The following ACO2 variants were observed in gnomAD, a reference collection of about 807,000 sequenced individuals.
ACO2 encodes the protein aconitase 2.
In ACO2, 31 loss-of-function variants were observed where a neutral mutation model predicts 84.5. That is an observed-to-expected ratio of 0.37 (90% CI 0.28 to 0.50). The LOEUF is 0.50. ACO2 is among the 20% of genes least tolerant of loss of function. The pLI is 0.97. For synonymous variants in ACO2, 414 were observed against 412.7 expected (o/e 1.00, Z -0.04); for missense variants, 685 against 1,029.3 (o/e 0.67, Z 4.58).
chr22:41,526,241 C>T, intron 14 of ACO2, 21 bp from the exon 15 acceptor site: 1 of 1,606,906 alleles, frequency 6.2e-7, no homozygotes, highest in Non-Finnish European at 8.5e-7. Flanking sequence ...TGACCTCTGT[C>T]CTCTCTACTT....
rs771114695 is a variant in ACO2, at chr22:41,524,863, C to T, written c.1500C>T (p.Ala500=). ...CATTTCAGATTGTCACAGCCCTGGCCATTGCGGGAACCCTCAAGTTCAACC... is the reference window on the plus strand; with the variant it reads ...CATTTCAGATTGTCACAGCCCTGGCTATTGCGGGAACCCTCAAGTTCAACC... ...VTSPEIVTAL[A]IAGTLKFNPE... is the part of the protein sequence containing the mutation. The change falls in exon 13 of 18, where the codon GCC becomes GCT. Residue 500 remains alanine (A), a synonymous_variant. Transcript: ENST00000216254. 8 of 1,614,208 alleles carry T rather than the reference C, an allele frequency of 5.0e-6. No homozygotes were observed. The highest frequency in any genetic ancestry group is 3.3e-5 in the Admixed American group (2 of 60,028).
chr22:41,527,002 C>G, intron 15 of ACO2: 1 of 508,850 alleles, frequency 2.0e-6, no homozygotes, highest in Non-Finnish European at 3.5e-6. Flanking sequence ...CTCACCCAAC[C>G]TCCCTCCACA....
At chr22:41,510,666 G>A (rs1313532488) in intron 3 of ACO2, among the ~76,000 whole-genome samples, 4 of 152,138 alleles carry the variant, frequency 2.6e-5, no homozygotes, top group Admixed American at 1.3e-4. Flanking sequence ...GAATCCCACC[G>A]TTTTGTTACT....
chr22:41,492,626 A>G (rs2066279796), intron 1 of ACO2, among the ~76,000 whole-genome samples: 2 of 152,266 alleles, frequency 1.3e-5, no homozygotes, highest in Admixed American at 1.3e-4. Context: ...ATACAAAATT[A>G]GCTGGGTGTG....
intron 6 of ACO2, 102 bp downstream of exon 6, chr22:41,516,019 T>G (rs757936702): frequency 2.0e-5 from 29 of 1,466,048 alleles, no homozygotes; most frequent in Admixed American, 3.9e-5. Flanking sequence ...TGAGAATCTG[T>G]CTGTTCCATT....
At position 41,515,786 on chromosome 22, in the gene ACO2, C is replaced by G; in HGVS notation, c.704C>G (p.Thr235Arg). Residue 235 changes from threonine (T) to arginine (R), a missense_variant, in exon 6 of 18, where the codon ACG becomes AGG. Physicochemically the swap from Thr to Arg is moderately conservative, Grantham distance 71 (BLOSUM62 -1). Coordinates refer to ENST00000216254, the MANE Select transcript of ACO2 (RefSeq NM_001098.3). The surrounding 1 kb of genome is among the most constrained non-coding windows in gnomAD (Gnocchi z 5.8). ...KCPKVIGVKL[T>R]GSLSGWSSPK... ...GTCCAGGTGATTGGCGTGAAGCTGA[C>G]GGGCTCTCTCTCCGGTTGGTCCTCA... The G allele has an allele frequency of 6.2e-7, 1 of 1,613,792 alleles. No homozygotes were observed. The highest frequency in any genetic ancestry group is 1.1e-5 in the South Asian group (1 of 91,066).
At chr22:41,493,220 T>A (rs1039636951) in intron 1 of ACO2, among the ~76,000 whole-genome samples, 12 of 152,208 alleles carry the variant, frequency 7.9e-5, no homozygotes, top group Non-Finnish European at 1.5e-4. Context: ...GCCCCACCTC[T>A]CAACACTGAC....
chr22:41,475,795 G>A (rs2038006359), intron 1 of ACO2, among the ~76,000 whole-genome samples: 2 of 151,856 alleles, frequency 1.3e-5, no homozygotes, highest in Admixed American at 1.3e-4. Context: ...CTACTCAGGA[G>A]GCTGAGGCAG....
At position 41,528,013 on chromosome 22, in the gene ACO2, C is replaced by A. The variant is rs2066640204; in HGVS notation, c.2199C>A (p.Thr733=). 6.2e-7 allele frequency: 1 copy of A among 1,614,028 alleles called. No homozygotes were observed. Among genetic ancestry groups the A allele is most frequent in the African/African-American group, 1.3e-5 (1 of 74,918 alleles). Residue 733 remains threonine, a synonymous_variant, in exon 17 of 18, where the codon ACC becomes ACA. Transcript: ENST00000216254. The part of the protein sequence containing the change: ...KLTIQGLKDF[T]PGKPLKCIIK... The stretch of plus-strand genomic sequence containing the variant: ...CCATTCAGGGCCTGAAGGACTTCAC[C>A]CCTGGCAAGGTTAGGGGCCCGGGTC...
chr22:41,525,008 C>CCACG (rs1569022480), intron 13 of ACO2, 40 bp downstream of exon 13: 1 of 1,613,938 alleles, frequency 6.2e-7, no homozygotes, highest in East Asian at 2.2e-5. Flanking sequence ...TGCTGTGTGG[C>CCACG]CACGTCACTT....
rs2146135417 is a variant in ACO2, at chr22:41,523,234, T to C, written c.1326T>C (p.Ile442=). ...YAQILRDLGG[I]VLANACGPCI... is the part of the protein sequence containing the mutation. ...AGATCTTGAGGGATCTGGGTGGCATTGTCCTGGCCAATGCTTGTGGCCCCT... is the reference window on the plus strand; with the variant it reads ...AGATCTTGAGGGATCTGGGTGGCATCGTCCTGGCCAATGCTTGTGGCCCCT... Residue 442 remains isoleucine, a synonymous_variant, in exon 11 of 18, where the codon ATT becomes ATC. Coordinates refer to ENST00000216254, the MANE Select transcript of ACO2 (RefSeq NM_001098.3). The C allele has an allele frequency of 6.2e-7, 1 of 1,613,188 alleles. No individual in the cohort carries two copies. Among genetic ancestry groups the C allele is most frequent in the Non-Finnish European group, 8.5e-7 (1 of 1,179,504 alleles).
At chr22:41,516,047 C>G (rs564524060) in intron 6 of ACO2, 130 bp downstream of exon 6, 16 of 1,246,676 alleles carry the variant, frequency 1.3e-5, no homozygotes, top group Middle Eastern at 1.8e-4. Context: ...TTGGGATAGA[C>G]AGAGGTAGAA....
chr22:41,473,517 G>C (rs1006386890), intron 1 of ACO2, among the ~76,000 whole-genome samples: 13 of 152,130 alleles, frequency 8.5e-5, no homozygotes, highest in Non-Finnish European at 4.4e-5. Context: ...GAAAAAGAAA[G>C]AAAAAGCTTA....
Position 41,474,438 on chromosome 22 carries a change from C to T in ACO2, c.36+5256C>T, listed in dbSNP as rs542019300. ...CCTCCCGAGTTGCTGGGACTACAGG[C>T]GCCTGCCACCACGTCTGGCTAATTT... is the stretch of plus-strand genomic sequence containing the variant. On this transcript the variant is annotated intron_variant, in intron 1 of 17. Transcript: ENST00000216254. Among the ~76,000 whole-genome samples the T allele has an allele frequency of 2.5e-4, 38 of 149,576 alleles. 1 individual carries two copies. The South Asian group carries it at 4.0e-3, about 16-fold the overall frequency.
intron 1 of ACO2, among the ~76,000 whole-genome samples, chr22:41,495,149 C>G (rs957894789): frequency 2.0e-5 from 3 of 152,192 alleles, no homozygotes; most frequent in Non-Finnish European, 4.4e-5. Context: ...GCCTCAGCCT[C>G]TTGAGCAGCT....
At chr22:41,522,592 G>A (rs2066535668) in intron 9 of ACO2, among the ~76,000 whole-genome samples, 1 of 152,198 alleles carries the variant, frequency 6.6e-6, no homozygotes, top group Non-Finnish European at 1.5e-5. Context: ...GTCCTAATGT[G>A]TTCAGCATCA....
At chr22:41,469,349 T>G in intron 1 of ACO2, 167 bp downstream of exon 1, 1 of 724,560 alleles carries the variant, frequency 1.4e-6, no homozygotes, top group Non-Finnish European at 2.1e-6. Flanking sequence ...GTGCCCTAGG[T>G]CAAGGCGTCC....
chr22:41,492,578 A>G (rs574833549), intron 1 of ACO2, among the ~76,000 whole-genome samples: 1 of 152,340 alleles, frequency 6.6e-6, no homozygotes, highest in East Asian at 1.9e-4. Context: ...GTTAAAGACC[A>G]GCCTGACCAA....
At chr22:41,524,709 C>G in intron 12 of ACO2, 137 bp from the exon 13 acceptor site, 2 of 1,390,140 alleles carry the variant, frequency 1.4e-6, no homozygotes. Context: ...GCTCTGGCCT[C>G]TGAGGAACAC....
Sources: gnomAD v4.1 joint callset for allele counts (sites outside exome capture counted in the v4.1 genomes callset) on GRCh38, gnomAD v4.1.1 for gene constraint, Gnocchi (gnomAD v3.1) non-coding constraint, MANE v1.5 for transcripts, NCBI Gene and HGNC (gene_info 2026-07-23, HGNC 2026-07-21) for gene names.